ANK3: variants seen among roughly 807,000 people sequenced by gnomAD.
ANK3 encodes ankyrin-3.
A neutral mutation model predicts 370.9 loss-of-function variants in ANK3; 57 were observed. The observed-to-expected ratio is 0.15, with a 90% CI of 0.12 to 0.19. The LOEUF (loss-of-function observed/expected upper bound fraction) is 0.19. Among genes scored for constraint, ANK3 ranks in the 10% least tolerant of loss-of-function variants. The probability of loss-of-function intolerance (pLI) is 1.00; values close to 1 mark genes in which losing one functional copy is unlikely to be tolerated. For missense variants in ANK3, 4,439 were observed against 5,302.1 expected (o/e 0.84, Z 5.06); for synonymous variants, 1,929 against 1,946.3 (o/e 0.99, Z 0.23).
chr10:60,319,107 T>C (rs1045736216), intron 1 of ANK3, among the ~76,000 whole-genome samples: 55 of 152,340 alleles, frequency 3.6e-4, no homozygotes, highest in African/African-American at 1.3e-3. Flanking sequence ...AAATGATTAC[T>C]AATTACTTCA....
chr10:60,730,450 G>C (rs904639725), intron 1 of ANK3, among the ~76,000 whole-genome samples: 7 of 152,126 alleles, frequency 4.6e-5, no homozygotes, highest in Non-Finnish European at 1.0e-4. Context: ...AAACCACCAT[G>C]CCTGCTCTAA....
intron 24 of ANK3, 85 bp from the exon 25 acceptor site, chr10:60,134,458 C>T: frequency 1.0e-6 from 1 of 973,102 alleles, no homozygotes; most frequent in Non-Finnish European, 1.5e-6. Context: ...ACTTTAAGAA[C>T]AGGCAAGATG....
chr10:60,248,537 A>C (rs2097590807), intron 7 of ANK3, among the ~76,000 whole-genome samples: 1 of 152,226 alleles, frequency 6.6e-6, no homozygotes, highest in African/African-American at 2.4e-5. Flanking sequence ...TACAAAAAAA[A>C]GGACACCACT....
intron 2 of ANK3, among the ~76,000 whole-genome samples, chr10:60,571,877 T>C (rs1287077628): frequency 6.6e-6 from 1 of 152,126 alleles, no homozygotes; most frequent in Non-Finnish European, 1.5e-5. Flanking sequence ...TCAATTTACA[T>C]GGAAAACAAA....
At chr10:60,140,092 G>A in intron 23 of ANK3, 1 of 494,916 alleles carries the variant, frequency 2.0e-6, no homozygotes, top group Non-Finnish European at 3.5e-6. Context: ...TCCAATTCCT[G>A]CATTCGGTAC....
intron 1 of ANK3, among the ~76,000 whole-genome samples, chr10:60,304,894 A>T (rs2044654047): frequency 6.6e-6 from 1 of 152,150 alleles, no homozygotes. Context: ...TGTGCTGGAA[A>T]CTATGCTTTA....
At position 60,042,665 on chromosome 10, in the gene ANK3, A is replaced by C; in HGVS notation, c.*19+7T>G. 2 of 1,612,778 alleles carry C rather than the reference A, an allele frequency of 1.2e-6. No homozygotes were observed. The highest frequency in any genetic ancestry group is 2.2e-5 in the South Asian group (2 of 90,984). On this transcript the variant is annotated splice_region_variant and intron_variant, in intron 43 of 43. Transcript: ENST00000280772. ...GTCCTACTGTTGTTGATATGAACAC[A>C]CCTCACCTTGACTGACCGTTCGCTG...
At chr10:60,140,592 G>GC (rs2094518354) in intron 23 of ANK3, 2 of 1,389,148 alleles carry the variant, frequency 1.4e-6, no homozygotes, top group Non-Finnish European at 1.9e-6. Flanking sequence ...AAAATTTCAG[G>GC]CCCCCAAAAA....
chr10:60,616,702 G>A (rs978528712), intron 1 of ANK3, among the ~76,000 whole-genome samples: 2 of 152,010 alleles, frequency 1.3e-5, no homozygotes, highest in African/African-American at 4.8e-5. Flanking sequence ...AGAGAAATTC[G>A]CCAAAATGGT....
chr10:60,470,207 G>A (rs2065182658), intron 2 of ANK3, among the ~76,000 whole-genome samples: 1 of 152,096 alleles, frequency 6.6e-6, no homozygotes, highest in South Asian at 2.1e-4. Context: ...CAATATCACA[G>A]GGGAAATGTG....
intron 2 of ANK3, among the ~76,000 whole-genome samples, chr10:60,428,971 A>G (rs2063951831): frequency 1.3e-5 from 2 of 152,316 alleles, no homozygotes; most frequent in South Asian, 2.1e-4. Context: ...CTTATTTTAA[A>G]TGTCTATGTG....
intron 1 of ANK3, among the ~76,000 whole-genome samples, chr10:60,351,873 C>G (rs78936787): frequency 6.6e-6 from 1 of 151,790 alleles, no homozygotes; most frequent in East Asian, 1.9e-4. Context: ...GATTATAAAA[C>G]AAGTACCTCA....
intron 23 of ANK3, among the ~76,000 whole-genome samples, chr10:60,154,031 A>C (rs1430812308): frequency 2.0e-5 from 3 of 152,180 alleles, no homozygotes; most frequent in Non-Finnish European, 4.4e-5. Flanking sequence ...TTGCGATAAA[A>C]CAGAGAATAA....
chr10:60,429,954 T>C (rs761695330), intron 2 of ANK3, among the ~76,000 whole-genome samples: 7 of 152,204 alleles, frequency 4.6e-5, no homozygotes, highest in Non-Finnish European at 5.9e-5. Context: ...GGTTTGGAAA[T>C]TGTTAGTCCT....
intron 2 of ANK3, among the ~76,000 whole-genome samples, chr10:60,486,226 T>A (rs2075343894): frequency 6.6e-6 from 1 of 152,118 alleles, no homozygotes; most frequent in Non-Finnish European, 1.5e-5. Flanking sequence ...ATAAAAAGAA[T>A]AGTGAATAAA....
At chr10:60,079,001 T>C (rs1172209220) in intron 36 of ANK3, among the ~76,000 whole-genome samples, 1 of 152,116 alleles carries the variant, frequency 6.6e-6, no homozygotes, top group African/African-American at 2.4e-5. Context: ...CTCACCTGCC[T>C]GAAGGGGCCT....
chr10:60,245,180 A>C (rs984743024), intron 7 of ANK3, among the ~76,000 whole-genome samples: 1 of 151,732 alleles, frequency 6.6e-6, no homozygotes, highest in Non-Finnish European at 1.5e-5. Context: ...AAAACAAAAA[A>C]CAAAAAAAAA....
chr10:60,341,254 T>G (rs1380846454), intron 1 of ANK3, among the ~76,000 whole-genome samples: 1 of 152,218 alleles, frequency 6.6e-6, no homozygotes, highest in Non-Finnish European at 1.5e-5. Flanking sequence ...AGGGAGAGTT[T>G]CTGAAACTCA....
intron 4 of ANK3, among the ~76,000 whole-genome samples, chr10:60,272,252 G>A (rs527659082): frequency 7.9e-5 from 12 of 151,680 alleles, no homozygotes; most frequent in African/African-American, 2.4e-4. Flanking sequence ...TTTTCTAATT[G>A]GACCAAAATG....
Sources: gnomAD v4.1 joint callset for allele counts (sites outside exome capture counted in the v4.1 genomes callset) on GRCh38, gnomAD v4.1.1 for gene constraint, MANE v1.5 for transcripts, NCBI Gene and HGNC (gene_info 2026-07-23, HGNC 2026-07-21) for gene names.